Variants in CDKN2A observed in about 807,000 individuals in gnomAD.
CDKN2A encodes the protein cyclin dependent kinase inhibitor 2A, also known as cyclin-dependent kinase inhibitor 2A.
In CDKN2A, 3 loss-of-function variants were observed where a neutral mutation model predicts 11.1. That is an observed-to-expected ratio of 0.27 (90% confidence interval 0.12 to 0.70). The LOEUF (loss-of-function observed/expected upper bound fraction) is 0.70. CDKN2A is among the 30% of genes least tolerant of loss of function. The probability of loss-of-function intolerance (pLI) is 0.77; values close to 1 mark genes in which losing one functional copy is unlikely to be tolerated. For missense variants in CDKN2A, 265 were observed against 233.6 expected (o/e 1.13, Z -0.88); for synonymous variants, 122 against 108.1 (o/e 1.13, Z -0.80).
chr9:21,987,924 C>G lies in CDKN2A; in HGVS notation c.-4+5958G>C, dbSNP rs139859660. On this transcript the variant is annotated intron_variant, in intron 2 of 3. Coordinates refer to the CDKN2A transcript ENST00000494262. ...TTAAAATGCAGATTTCTGGGACCCA[C>G]AGCAAATCTGAATCAAATTTTCTGA... is the stretch of plus-strand genomic sequence containing the variant. Among the ~76,000 whole-genome samples, 304 of 152,332 alleles carry G rather than the reference C, an allele frequency of 2.0e-3. 2 individuals are homozygous for G. The highest frequency in any genetic ancestry group is 7.0e-3 in the African/African-American group (292 of 41,570).
upstream of CDKN2A, among the ~76,000 whole-genome samples, chr9:21,977,010 A>G (rs2131119419): frequency 6.6e-6 from 1 of 152,342 alleles, no homozygotes. Flanking sequence ...GTTATATTTC[A>G]ATCCCTGGTT....
chr9:21,969,294 G>A (rs968947546), intron 2 of CDKN2A, among the ~76,000 whole-genome samples: 3 of 152,124 alleles, frequency 2.0e-5, no homozygotes, highest in African/African-American at 7.2e-5. Flanking sequence ...AGGCTCAGGT[G>A]GGAGAACCCC....
Position 21,974,484 on chromosome 9 carries a change from TCTTC to T in CDKN2A, c.150+190_150+193del, listed in dbSNP as rs765985763. On this transcript the variant is annotated intron_variant, in intron 1 of 2. Transcript: ENST00000304494. This position sits in a 1 kb window ranked among gnomAD's most constrained non-coding sequence, Gnocchi z 5.2. ...CTGTACGCGCGTGGCTCCTCATTCC[TCTTC>T]CTTGGCTTCCCAAGCCCCCAGGGCG... 6.2e-6 allele frequency: 10 copies of T among 1,612,908 alleles called. No individual in the cohort carries two copies. The South Asian group carries it at 1.1e-4, about 18-fold the overall frequency.
rs200863613 is a variant in CDKN2A at position 21,971,061 on chromosome 9, C to A, written c.298G>T (p.Ala100Ser). The stretch of plus-strand genomic sequence containing the variant: ...TCGCGCACGTCCAGCCGCGCCCCGG[C>A]CCGGTGCAGCACCACCAGCGTGTCC... Reference protein sequence around the residue: ...FLDTLVVLHRAGARLDVRDAW... With the variant: ...FLDTLVVLHRSGARLDVRDAW... The change falls in exon 2 of 3, where the codon GCC becomes TCC. Residue 100 changes from alanine (A) to serine (S), a missense_variant. Transcript: ENST00000304494. 6.1e-5 allele frequency: 98 copies of A among 1,605,346 alleles called. No homozygotes were observed. The African/African-American group carries it at 1.2e-3, about 19-fold the overall frequency.
rs1052927012 is a variant in CDKN2A, at chr9:21,974,184, G to T, written c.150+494C>A. 1.3e-5 allele frequency among the ~76,000 whole-genome samples: 2 copies of T among 152,090 alleles called. No individual in the cohort carries two copies. Among genetic ancestry groups the T allele is most frequent in the Non-Finnish European group, 2.9e-5 (2 of 68,024 alleles). ...GGGATTACAAGGCGTGAGGCACCGC[G>T]CCCGGCCGCTTCTGAATAATTTCGA... On this transcript the variant is annotated intron_variant, in intron 1 of 2. Transcript: ENST00000304494. The surrounding 1 kb of genome is among the most constrained non-coding windows in gnomAD (Gnocchi z 5.2).
chr9:21,971,247 G>A (rs1819731538), intron 1 of CDKN2A, 39 bp from the exon 2 acceptor site: 2 of 1,581,994 alleles, frequency 1.3e-6, no homozygotes, highest in Non-Finnish European at 1.7e-6. Context: ...CAGGGTGGGG[G>A]CCGGCATGAC....
At chr9:21,977,262 A>G (rs1820059755), upstream of CDKN2A, among the ~76,000 whole-genome samples, 1 of 152,238 alleles carries the variant, frequency 6.6e-6, no homozygotes, top group African/African-American at 2.4e-5. Context: ...AGTTTAAGAT[A>G]TTTTATGATG....
chr9:21,981,849 C>A (rs549039740), intron 2 of CDKN2A, among the ~76,000 whole-genome samples: 60 of 152,122 alleles, frequency 3.9e-4, no homozygotes, highest in African/African-American at 1.3e-3. Flanking sequence ...TATTTAATTA[C>A]TTATGTTCCA....
chr9:21,983,629 A>G (rs1420566159), intron 2 of CDKN2A, among the ~76,000 whole-genome samples: 2 of 152,182 alleles, frequency 1.3e-5, no homozygotes, highest in Non-Finnish European at 1.5e-5. Flanking sequence ...ATTTTGATTT[A>G]TAGATAACAA....
chr9:21,972,684 T>A (rs1362409707), intron 1 of CDKN2A, among the ~76,000 whole-genome samples: 2 of 152,256 alleles, frequency 1.3e-5, no homozygotes, highest in African/African-American at 4.8e-5. Context: ...GGTTTATGAT[T>A]TGAGAGTTCA....
In CDKN2A at chr9:21,970,950, T is replaced by G. The variant is rs2131092258; in HGVS notation, c.409A>C (p.Thr137Pro). ...ARYLRAAAGG[T>P]RGSNHARIDA... ...ATGCGGGCATGGTTACTGCCTCTGG[T>G]GCCCCCCGCAGCCGCGCGCAGGTAC... The change falls in exon 2 of 3, where the codon ACC (threonine) becomes CCC (proline). Residue 137 changes from threonine to proline, a missense_variant. By Grantham distance (38) the Thr-to-Pro change is conservative. Transcript: ENST00000304494. 1 of 1,612,160 alleles carries G rather than the reference T, an allele frequency of 6.2e-7. No homozygotes were observed. The highest frequency in any genetic ancestry group is 8.5e-7 in the Non-Finnish European group (1 of 1,180,014).
chr9:21,972,724 C>T (rs910392936), intron 1 of CDKN2A, among the ~76,000 whole-genome samples: 1 of 152,172 alleles, frequency 6.6e-6, no homozygotes, highest in African/African-American at 2.4e-5. Flanking sequence ...CTCTTTGGTT[C>T]CTAAATCATC....
Sources: gnomAD v4.1 joint callset for allele counts (sites outside exome capture counted in the v4.1 genomes callset) on GRCh38, gnomAD v4.1.1 for gene constraint, Gnocchi (gnomAD v3.1) non-coding constraint, MANE v1.5 for transcripts, NCBI Gene and HGNC (gene_info 2026-07-23, HGNC 2026-07-21) for gene names.